The following UNC45A variants were observed in gnomAD, a reference collection of about 807,000 sequenced individuals.
UNC45A encodes protein unc-45 homolog A.
Under a neutral mutation model 103.2 loss-of-function variants are expected in UNC45A, and 78 were observed. That is an observed-to-expected ratio of 0.76 (90% CI 0.63 to 0.91). The LOEUF (loss-of-function observed/expected upper bound fraction) is 0.91. Ranked by LOEUF, UNC45A falls within the 40% of genes least tolerant of loss-of-function variation. UNC45A has a pLI of 0.00. For missense variants in UNC45A, 1,193 were observed against 1,224.8 expected, an observed-to-expected ratio of 0.97 and a Z score of 0.39; for synonymous variants, 495 against 504.6, an observed-to-expected ratio of 0.98 and a Z score of 0.25.
chr15:90,951,817 C>T (rs2036930418), intron 17 of UNC45A, among the ~76,000 whole-genome samples: 1 of 151,526 alleles, frequency 6.6e-6, no homozygotes, highest in African/African-American at 2.4e-5. Context: ...ACTCGAGAGG[C>T]TGAGGCAGGA....
At chr15:90,940,605 C>A in intron 6 of UNC45A, 132 bp downstream of exon 6, 2 of 1,187,068 alleles carry the variant, frequency 1.7e-6, no homozygotes, top group Non-Finnish European at 2.3e-6. Flanking sequence ...ACCCTCTACC[C>A]CTTACCTTAT....
chr15:90,953,041 AAGG>A lies in UNC45A; in HGVS notation c.2420_2421+1del. 1 of 1,613,636 alleles carries A rather than the reference AAGG, an allele frequency of 6.2e-7. No homozygotes were observed. Reference sequence around the variant, plus strand: ...GTGCATGTGTAACTTGGCCATGAGCAAGGAGGTGAGGGTTGGTCTGGGTGCTCA... The same window carrying A: ...GTGCATGTGTAACTTGGCCATGAGCAAGGTGAGGGTTGGTCTGGGTGCTCA... On this transcript the variant is annotated inframe_deletion and splice_region_variant, in exon 18 of 20. Transcript: ENST00000418476.
intron 17 of UNC45A, among the ~76,000 whole-genome samples, chr15:90,950,962 C>T (rs1237691771): frequency 6.6e-6 from 1 of 152,166 alleles, no homozygotes; most frequent in African/African-American, 2.4e-5. Flanking sequence ...AAAGTACTTA[C>T]TACATGGGTA....
rs755969179 is a variant in UNC45A at position 90,935,318 on chromosome 15, C to A, written c.-7C>A. 3 of 1,603,078 alleles carry A rather than the reference C, an allele frequency of 1.9e-6. No homozygotes were observed. In the African/African-American group the frequency reaches 4.0e-5, roughly 21 times the overall value. ...CGCCTGCGCGGGCACGAGACAACCT[C>A]TCCGCGATGACTGTGAGTGGTCCAG... On this transcript the variant is annotated 5_prime_UTR_variant, in exon 1 of 20. Coordinates refer to ENST00000418476, the MANE Select transcript of UNC45A (RefSeq NM_018671.5).
chr15:90,940,258 C>T (rs887494234), intron 5 of UNC45A, 48 bp from the exon 6 acceptor site: 3 of 1,576,390 alleles, frequency 1.9e-6, no homozygotes, highest in South Asian at 1.2e-5. Context: ...GTGCTGCATC[C>T]TATGCCGTGT....
At chr15:90,947,496 T>C (rs1408218012) in intron 10 of UNC45A, 4 of 421,488 alleles carry the variant, frequency 9.5e-6, no homozygotes, top group African/African-American at 4.0e-5. Context: ...AGGGCTTCTT[T>C]GTGCGACATG....
intron 5 of UNC45A, 143 bp from the exon 6 acceptor site, chr15:90,940,163 C>G: frequency 2.2e-6 from 2 of 892,070 alleles, no homozygotes; most frequent in East Asian, 5.1e-5. Flanking sequence ...GGAAGCTAAA[C>G]TTCAAAGAGG....
intron 17 of UNC45A, among the ~76,000 whole-genome samples, chr15:90,951,669 GGAT>G (rs1270129530): frequency 6.6e-6 from 1 of 152,164 alleles, no homozygotes; most frequent in East Asian, 1.9e-4. Context: ...CTGGGTGATG[GGAT>G]GATCTGTGCG....
Position 90,943,026 on chromosome 15 carries a change from C to T in UNC45A, c.971C>T (p.Pro324Leu). ...CTGACCCTCCTGATTAAAGCGGTGC[C>T]CCGGAAGTCTCTCAAGGACCCCAAC... ...NALTLLIKAV[P>L]RKSLKDPNNS... The change falls in exon 8 of 20, where the codon CCC becomes CTC. Residue 324 changes from proline (P) to leucine (L), a missense_variant. By Grantham distance (98) the Pro-to-Leu change is moderately conservative. Transcript: ENST00000418476. 1 of 1,614,178 alleles carries T rather than the reference C, an allele frequency of 6.2e-7. No individual in the cohort carries two copies. The highest frequency in any genetic ancestry group is 8.5e-7 in the Non-Finnish European group (1 of 1,180,028).
intron 4 of UNC45A, among the ~76,000 whole-genome samples, chr15:90,937,679 G>A (rs1373388739): frequency 6.6e-6 from 1 of 151,932 alleles, no homozygotes; most frequent in African/African-American, 2.4e-5. Context: ...GTAGAGATGC[G>A]GTTTCACTGT....
chr15:90,948,824 T>TCC lies in UNC45A; in HGVS notation c.1878+33_1878+34dup, dbSNP rs767448365. On this transcript the variant is annotated intron_variant, in intron 13 of 19. Transcript: ENST00000418476. ...GGGGCCGCCAGAGGGGCTAGAGGGT[T>TCC]CCCCACCATGGGGACAGCTAACCCA... is the stretch of plus-strand genomic sequence containing the variant. The TCC allele has an allele frequency of 5.4e-5, 84 of 1,558,908 alleles. 1 individual carries two copies. Among genetic ancestry groups the TCC allele is most frequent in the Admixed American group, 4.4e-4 (23 of 52,384 alleles).
chr15:90,931,215 T>A, upstream of UNC45A: 1 of 1,537,252 alleles, frequency 6.5e-7, no homozygotes. Context: ...AGATGGCGTA[T>A]GAATCCTGTC....
At chr15:90,940,164 TTCAA>T in intron 5 of UNC45A, 138 bp from the exon 6 acceptor site, 1 of 898,494 alleles carries the variant, frequency 1.1e-6, no homozygotes, top group Non-Finnish European at 1.7e-6. Flanking sequence ...GAAGCTAAAC[TTCAA>T]AGAGGTTATT....
In UNC45A at chr15:90,946,905, G is replaced by T. The variant is rs2036603394; in HGVS notation, c.1491G>T (p.Arg497=). Residue 497 remains arginine, a synonymous_variant, in exon 10 of 20, where the codon CGG becomes CGT. Coordinates refer to ENST00000418476, the MANE Select transcript of UNC45A (RefSeq NM_018671.5). ...GCGAGAAGGACAGCATCCGCATCCGGGCGCTAGTGGTGAGACGGTGGGCCT... is the reference window on the plus strand; with the variant it reads ...GCGAGAAGGACAGCATCCGCATCCGTGCGCTAGTGGTGAGACGGTGGGCCT... ...KCSEKDSIRI[R]ALVGLCKLGS... 1.9e-6 allele frequency: 3 copies of T among 1,602,866 alleles called. No homozygotes were observed. The highest frequency in any genetic ancestry group is 2.6e-6 in the Non-Finnish European group (3 of 1,171,528).
intron 4 of UNC45A, among the ~76,000 whole-genome samples, chr15:90,938,641 C>T (rs2036135927): frequency 6.6e-6 from 1 of 151,946 alleles, no homozygotes; most frequent in Admixed American, 6.6e-5. Flanking sequence ...GGGAGTAGGC[C>T]TAGGATGATC....
At chr15:90,952,250 AAAAGAGAT>A (rs2036955163) in intron 17 of UNC45A, 1 of 152,298 alleles carries the variant, frequency 6.6e-6, no homozygotes, top group Non-Finnish European at 1.5e-5. Context: ...ATTTATAAAG[AAAAGAGAT>A]TTAATTGCTT....
Position 90,944,878 on chromosome 15 carries a change from G to C in UNC45A, c.1028-14G>C. On this transcript the variant is annotated splice_polypyrimidine_tract_variant and intron_variant, in intron 8 of 19. Coordinates refer to ENST00000418476, the MANE Select transcript of UNC45A (RefSeq NM_018671.5). ...GAACTAGTGTTCTACTGTCTAAGCG[G>C]GGTGTCTTTACAGGTCTGAAAAAGA... 6 of 1,610,624 alleles carry C rather than the reference G, an allele frequency of 3.7e-6. No homozygotes were observed. The highest frequency in any genetic ancestry group is 5.1e-6 in the Non-Finnish European group (6 of 1,179,162).
chr15:90,935,470 C>T (rs1214322829), intron 1 of UNC45A, 74 bp from the exon 2 acceptor site: 1 of 1,574,178 alleles, frequency 6.4e-7, no homozygotes, highest in Non-Finnish European at 8.6e-7. Flanking sequence ...CCCGATCCCT[C>T]CTCTCCTCTC....
upstream of UNC45A, chr15:90,932,898 C>T (rs2151349928): frequency 1.3e-5 from 3 of 225,146 alleles, no homozygotes; most frequent in African/African-American, 2.3e-5. Flanking sequence ...ACTATGGGAG[C>T]GGGAAGAAAG....
Sources: gnomAD v4.1 joint callset for allele counts (sites outside exome capture counted in the v4.1 genomes callset) on GRCh38, gnomAD v4.1.1 for gene constraint, MANE v1.5 for transcripts, NCBI Gene and HGNC (gene_info 2026-07-23, HGNC 2026-07-21) for gene names.